The following TBC1D22A variants were observed in gnomAD, a reference collection of about 807,000 sequenced individuals.
The protein encoded by TBC1D22A is putative GTPase activator.
A neutral mutation model predicts 60.2 loss-of-function variants in TBC1D22A; 38 were observed. The ratio of observed to expected loss-of-function variants is 0.63; its 90% CI spans 0.49 to 0.83. The LOEUF is 0.83. Among genes scored for constraint, TBC1D22A ranks in the 40% least tolerant of loss-of-function variants. The probability of loss-of-function intolerance (pLI) is 0.00; values close to 1 mark genes in which losing one functional copy is unlikely to be tolerated. For missense variants in TBC1D22A, 628 were observed against 701.0 expected, an observed-to-expected ratio of 0.90 and a Z score of 1.18; for synonymous variants, 302 against 281.7, an observed-to-expected ratio of 1.07 and a Z score of -0.72.
At chr22:47,076,098 G>A (rs2064195498) in intron 11 of TBC1D22A, among the ~76,000 whole-genome samples, 1 of 151,998 alleles carries the variant, frequency 6.6e-6, no homozygotes, top group South Asian at 2.1e-4. Context: ...AATCATTGTG[G>A]TAGATTTTAT....
intron 8 of TBC1D22A, chr22:46,913,351 C>T (rs17762500): frequency 0.096 from 131,364 of 1,366,020 alleles, 7,072 homozygotes; most frequent in Middle Eastern, 0.12. Flanking sequence ...AGGTTGTGGT[C>T]GGCCTCAGAT....
chr22:47,052,791 C>CTA (rs1272658669), intron 11 of TBC1D22A, among the ~76,000 whole-genome samples: 1 of 152,224 alleles, frequency 6.6e-6, no homozygotes, highest in African/African-American at 2.4e-5. Context: ...ATCTTCCTGT[C>CTA]CTTCCAGGCC....
Position 46,899,307 on chromosome 22 carries a change from C to T in TBC1D22A, c.900+4461C>T, listed in dbSNP as rs553720025. 1.2e-4 allele frequency among the ~76,000 whole-genome samples: 18 copies of T among 152,080 alleles called. No individual in the cohort carries two copies. The South Asian group carries it at 2.5e-3, about 21-fold the overall frequency. ...ATGAAAAATAAAAATATTAGCCAGG[C>T]GTGGTGGGGCGTACCTGTAGTCCCA... is the stretch of plus-strand genomic sequence containing the variant. On this transcript the variant is annotated intron_variant, in intron 7 of 12. Transcript: ENST00000337137.
chr22:47,173,110 CT>C (rs1416276786), intron 12 of TBC1D22A, among the ~76,000 whole-genome samples: 3 of 152,260 alleles, frequency 2.0e-5, no homozygotes, highest in Admixed American at 6.5e-5. Flanking sequence ...GGGTCTCCCC[CT>C]GAGGGGCAGG....
chr22:47,063,860 C>G (rs1007740140), intron 11 of TBC1D22A, among the ~76,000 whole-genome samples: 7 of 152,242 alleles, frequency 4.6e-5, no homozygotes, highest in African/African-American at 1.7e-4. Context: ...TCTGTCGCTA[C>G]GTAGCCTTCT....
chr22:47,055,710 G>T (rs1167638328), intron 11 of TBC1D22A, among the ~76,000 whole-genome samples: 1 of 152,070 alleles, frequency 6.6e-6, no homozygotes, highest in East Asian at 1.9e-4. Flanking sequence ...AGGAGGCTGG[G>T]GAGGAGCTGT....
intron 4 of TBC1D22A, among the ~76,000 whole-genome samples, chr22:46,859,274 T>TAAA (rs1418263832): frequency 6.8e-4 from 12 of 17,532 alleles, no homozygotes; most frequent in East Asian, 3.9e-3. Flanking sequence ...GAATCCTTTT[T>TAAA]TGATAGAGGT....
chr22:46,950,345 G>A (rs1301631498), intron 8 of TBC1D22A, among the ~76,000 whole-genome samples: 2 of 152,204 alleles, frequency 1.3e-5, no homozygotes, highest in African/African-American at 2.4e-5. Context: ...GATGGCAGGA[G>A]CTTAGTCTTG....
At chr22:46,896,058 GT>G (rs1280914327) in intron 7 of TBC1D22A, among the ~76,000 whole-genome samples, 3 of 152,148 alleles carry the variant, frequency 2.0e-5, no homozygotes, top group African/African-American at 7.2e-5. Flanking sequence ...TCCTGTTTTT[GT>G]TGCTCTGGTG....
At chr22:47,075,885 AG>A (rs1279829344) in intron 11 of TBC1D22A, among the ~76,000 whole-genome samples, 1 of 152,202 alleles carries the variant, frequency 6.6e-6, no homozygotes, top group Non-Finnish European at 1.5e-5. Flanking sequence ...GACTAAAGAA[AG>A]TTGCAATAGC....
intron 4 of TBC1D22A, among the ~76,000 whole-genome samples, chr22:46,831,712 ATAAAAT>A (rs1379043828): frequency 6.6e-6 from 1 of 152,226 alleles, no homozygotes; most frequent in Non-Finnish European, 1.5e-5. Flanking sequence ...AAGGCTATAA[ATAAAAT>A]TAAAATAAAT....
intron 7 of TBC1D22A, among the ~76,000 whole-genome samples, chr22:46,896,752 G>A (rs1276853808): frequency 6.6e-6 from 1 of 152,146 alleles, no homozygotes; most frequent in Non-Finnish European, 1.5e-5. Context: ...CTACCTGGTG[G>A]GGGTGCACAC....
chr22:47,037,026 T>C (rs760336359), intron 10 of TBC1D22A, 45 bp from the exon 11 acceptor site: 24 of 1,609,690 alleles, frequency 1.5e-5, no homozygotes, highest in East Asian at 8.9e-5. Context: ...AGTGCCTCCA[T>C]AGGGCTCCCC....
At chr22:46,865,039 C>T (rs1190569380) in intron 4 of TBC1D22A, among the ~76,000 whole-genome samples, 1 of 152,182 alleles carries the variant, frequency 6.6e-6, no homozygotes, top group East Asian at 1.9e-4. Context: ...GTGGTGGTCT[C>T]ACCGAACCCA....
intron 10 of TBC1D22A, among the ~76,000 whole-genome samples, chr22:47,014,063 G>T (rs1401146197): frequency 6.6e-6 from 1 of 152,200 alleles, no homozygotes; most frequent in East Asian, 1.9e-4. Flanking sequence ...TGGCTGTGGG[G>T]TCTAGCTGCT....
chr22:47,111,488 G>C lies in TBC1D22A; in HGVS notation c.1330-20G>C. On this transcript the variant is annotated intron_variant, in intron 11 of 12. Coordinates refer to ENST00000337137, the MANE Select transcript of TBC1D22A (RefSeq NM_014346.5). ...GGTCACGCGTTACAATTTCTCTCTTGGTTATTTTTTCTCTTTTAGTCTGAA... is the reference window on the plus strand; with the variant it reads ...GGTCACGCGTTACAATTTCTCTCTTCGTTATTTTTTCTCTTTTAGTCTGAA... 1 of 1,607,238 alleles carries C rather than the reference G, an allele frequency of 6.2e-7. No individual in the cohort carries two copies. Among genetic ancestry groups the C allele is most frequent in the Non-Finnish European group, 8.5e-7 (1 of 1,176,586 alleles).
At chr22:46,983,584 TC>T (rs2074597802) in intron 9 of TBC1D22A, among the ~76,000 whole-genome samples, 2 of 152,240 alleles carry the variant, frequency 1.3e-5, no homozygotes, top group South Asian at 4.2e-4. Context: ...TGTGTGGGTT[TC>T]CGGGGTTCTG....
chr22:46,963,882 C>T (rs1426676834), intron 8 of TBC1D22A, among the ~76,000 whole-genome samples: 1 of 152,320 alleles, frequency 6.6e-6, no homozygotes, highest in Non-Finnish European at 1.5e-5. Flanking sequence ...CACAGGGACA[C>T]CTGTTATCTG....
chr22:47,114,171 C>G (rs890261765), intron 12 of TBC1D22A, among the ~76,000 whole-genome samples: 6 of 152,060 alleles, frequency 3.9e-5, no homozygotes, highest in Admixed American at 3.9e-4. Context: ...GTTTGGCCAG[C>G]CTTCTCTGAG....
Sources: allele counts gnomAD v4.1 joint callset (sites outside exome capture counted in the v4.1 genomes callset), GRCh38; gene constraint gnomAD v4.1.1; transcripts MANE v1.5; gene names NCBI Gene and HGNC (gene_info 2026-07-23, HGNC 2026-07-21).